The following PDE10A variants were observed in gnomAD, a reference collection of about 807,000 sequenced individuals.
PDE10A encodes cAMP and cAMP-inhibited cGMP 3',5'-cyclic phosphodiesterase 10A.
A neutral mutation model predicts 97.7 loss-of-function variants in PDE10A; 39 were observed. The observed-to-expected ratio is 0.40, with a 90% confidence interval of 0.31 to 0.52. The LOEUF (loss-of-function observed/expected upper bound fraction) is 0.52, where lower values mean the gene tolerates loss of function less well. Among genes scored for constraint, PDE10A ranks in the 20% least tolerant of loss-of-function variants. The probability of loss-of-function intolerance (pLI) is 0.56; values close to 1 mark genes in which losing one functional copy is unlikely to be tolerated. For synonymous variants in PDE10A, 371 were observed against 376.8 expected (o/e 0.98, Z 0.18); for missense variants, 731 against 1,047.8 (o/e 0.70, Z 4.17).
chr6:165,668,700 GAAGA>G (rs1013357076), intron 1 of PDE10A, among the ~76,000 whole-genome samples: 1 of 147,690 alleles, frequency 6.8e-6, no homozygotes, highest in African/African-American at 2.5e-5. Flanking sequence ...GGAAAGGAAG[GAAGA>G]AAGAAAAGAA....
Position 165,377,784 on chromosome 6 carries a change from T to C in PDE10A, c.2783+1410A>G, listed in dbSNP as rs1248585670. On this transcript the variant is annotated intron_variant, in intron 18 of 21. Transcript: ENST00000539869. ...TTTCTACATGTCTTGGAACAAGGAC[T>C]ACACACAACCTGTTGGAGACATAAA... 2.0e-5 allele frequency among the ~76,000 whole-genome samples: 3 copies of C among 152,278 alleles called. No homozygotes were observed. The East Asian group carries it at 5.8e-4, about 29-fold the overall frequency.
intron 1 of PDE10A, among the ~76,000 whole-genome samples, chr6:165,621,508 A>C (rs1260071590): frequency 2.0e-5 from 3 of 152,168 alleles, no homozygotes; most frequent in Admixed American, 2.0e-4. Flanking sequence ...CTGTAATCCC[A>C]GCACTTTGGA....
In PDE10A at chr6:165,794,133, G is replaced by A. The variant is rs200666799; in HGVS notation, c.-615+193396C>T. The stretch of plus-strand genomic sequence containing the variant: ...CGCAGGCATACACACACACACACAC[G>A]CTCACACTCACTCACACACACTCAC... On this transcript the variant is annotated intron_variant, in intron 1 of 19. Coordinates refer to the PDE10A transcript ENST00000366882. 1.7e-3 allele frequency among the ~76,000 whole-genome samples: 228 copies of A among 132,872 alleles called. 2 individuals carry two copies. The highest frequency in any genetic ancestry group is 5.9e-3 in the African/African-American group (211 of 36,026). 87.2% of individuals were successfully genotyped at this position (132,872 alleles called of 152,430 possible).
chr6:165,885,305 G>C (rs1465780979), intron 1 of PDE10A, among the ~76,000 whole-genome samples: 1 of 152,206 alleles, frequency 6.6e-6, no homozygotes, highest in Non-Finnish European at 1.5e-5. Context: ...GGAAGGCAAA[G>C]GGGAAGTGGG....
At chr6:165,580,472 A>G (rs1414786625) in intron 1 of PDE10A, among the ~76,000 whole-genome samples, 1 of 152,230 alleles carries the variant, frequency 6.6e-6, no homozygotes, top group Non-Finnish European at 1.5e-5. Context: ...TCCTGATTAT[A>G]TTCCAGCTCA....
At chr6:165,875,915 A>G (rs1222229027) in intron 1 of PDE10A, among the ~76,000 whole-genome samples, 1 of 152,186 alleles carries the variant, frequency 6.6e-6, no homozygotes, top group Non-Finnish European at 1.5e-5. Flanking sequence ...GGATTAGGGC[A>G]TGATATTCCT....
At chr6:165,622,078 A>C (rs573078210) in intron 1 of PDE10A, among the ~76,000 whole-genome samples, 2 of 152,306 alleles carry the variant, frequency 1.3e-5, no homozygotes, top group Admixed American at 6.5e-5. Flanking sequence ...TCCCAAGAGG[A>C]AGAAATTCTC....
At chr6:165,869,546 G>GT (rs556209807) in intron 1 of PDE10A, among the ~76,000 whole-genome samples, 130 of 152,018 alleles carry the variant, frequency 8.6e-4, no homozygotes, top group African/African-American at 3.0e-3. Flanking sequence ...GATTTGATGC[G>GT]TCCCCTATCA....
At chr6:165,985,569 T>C (rs1047196810) in intron 1 of PDE10A, among the ~76,000 whole-genome samples, 1 of 152,124 alleles carries the variant, frequency 6.6e-6, no homozygotes, top group Admixed American at 6.5e-5. Context: ...GATGAAGATT[T>C]CACATGACGC....
intron 1 of PDE10A, among the ~76,000 whole-genome samples, chr6:165,760,432 C>A (rs1201729932): frequency 6.6e-6 from 1 of 152,154 alleles, no homozygotes; most frequent in Non-Finnish European, 1.5e-5. Context: ...AAGAGAAAAT[C>A]AAGGTCTGAC....
chr6:165,582,953 C>T (rs1410482), intron 1 of PDE10A, among the ~76,000 whole-genome samples: 121,230 of 152,060 alleles, frequency 0.8, 51,078 homozygotes, highest in Non-Finnish European at 0.94. Context: ...TAACTCAAAA[C>T]CTTTATAAAT....
chr6:165,435,515 C>T, intron 5 of PDE10A, 138 bp from the exon 6 acceptor site: 2 of 656,500 alleles, frequency 3.0e-6, no homozygotes, highest in Non-Finnish European at 4.7e-6. Flanking sequence ...AGGTGCTTTG[C>T]CATGATCAAA....
At chr6:165,826,899 T>A (rs1432170492) in intron 1 of PDE10A, among the ~76,000 whole-genome samples, 1 of 147,784 alleles carries the variant, frequency 6.8e-6, no homozygotes, top group Non-Finnish European at 1.5e-5. Flanking sequence ...ACAAAGTGGG[T>A]CATGAGGTGG....
At chr6:165,443,200 C>G (rs1405225360) in intron 5 of PDE10A, among the ~76,000 whole-genome samples, 1 of 150,880 alleles carries the variant, frequency 6.6e-6, no homozygotes, top group African/African-American at 2.4e-5. Context: ...TCTAAAATCA[C>G]AAACAAGTTA....
chr6:165,663,326 GC>G (rs1193356857), upstream of PDE10A, among the ~76,000 whole-genome samples: 1 of 152,010 alleles, frequency 6.6e-6, no homozygotes, highest in Non-Finnish European at 1.5e-5. Context: ...CGGCCCCTGC[GC>G]CAGGCTCCCG....
intron 3 of PDE10A, among the ~76,000 whole-genome samples, chr6:165,478,506 C>T (rs929896165): frequency 6.6e-6 from 1 of 152,160 alleles, no homozygotes; most frequent in African/African-American, 2.4e-5. Flanking sequence ...ACTGATGAAA[C>T]AGACTTTTTG....
chr6:165,869,365 T>C (rs1333287462), intron 1 of PDE10A, among the ~76,000 whole-genome samples: 7 of 149,428 alleles, frequency 4.7e-5, no homozygotes. Context: ...AAAAAAAAAC[T>C]CTTCCTAGGA....
At chr6:165,657,524 CTA>C (rs1214873121) in intron 1 of PDE10A, among the ~76,000 whole-genome samples, 2 of 152,256 alleles carry the variant, frequency 1.3e-5, no homozygotes, top group African/African-American at 4.8e-5. Flanking sequence ...GTGCACCGCA[CTA>C]TGTTTAACCT....
intron 1 of PDE10A, among the ~76,000 whole-genome samples, chr6:165,892,074 G>A (rs907239): frequency 0.051 from 7,727 of 152,056 alleles, 225 homozygotes; most frequent in Middle Eastern, 0.058. Context: ...TCCATGAGGC[G>A]GGTGAAGAAG....
Sources: gnomAD v4.1 joint callset for allele counts (sites outside exome capture counted in the v4.1 genomes callset) on GRCh38, gnomAD v4.1.1 for gene constraint, MANE v1.5 for transcripts, NCBI Gene and HGNC (gene_info 2026-07-23, HGNC 2026-07-21) for gene names.